Variants in CSN3 observed in about 807,000 individuals in gnomAD.
The protein encoded by CSN3 is kappa-casein.
CSN3 carries 7 observed loss-of-function variants against 9.9 expected under a neutral mutation model. That is an observed-to-expected ratio of 0.71 (90% CI 0.40 to 1.33). The LOEUF (loss-of-function observed/expected upper bound fraction) is 1.33. Ranked by LOEUF, CSN3 falls within the 40% of genes most tolerant of loss-of-function variation. The pLI is 0.01. For missense variants in CSN3, 253 were observed against 227.9 expected, an observed-to-expected ratio of 1.11 and a Z score of -0.71; for synonymous variants, 88 against 82.3, an observed-to-expected ratio of 1.07 and a Z score of -0.37.
At chr4:70,245,016 T>A (rs985082449) in intron 2 of CSN3, 143 bp downstream of exon 2, 1 of 390,032 alleles carries the variant, frequency 2.6e-6, no homozygotes, top group African/African-American at 2.1e-5. Flanking sequence ...GTTAATTTTT[T>A]TAATATTTAT....
At chr4:70,250,469 G>C (rs1489223989) in intron 4 of CSN3, among the ~76,000 whole-genome samples, 1 of 151,934 alleles carries the variant, frequency 6.6e-6, no homozygotes, top group Admixed American at 6.6e-5. Context: ...TCATAATTCT[G>C]GTTGCTATAA....
At chr4:70,247,078 C>T (rs1730392902) in intron 2 of CSN3, among the ~76,000 whole-genome samples, 1 of 152,134 alleles carries the variant, frequency 6.6e-6, no homozygotes, top group African/African-American at 2.4e-5. Flanking sequence ...TTCTGATTTT[C>T]TATACTCACA....
chr4:70,240,590 A>C (rs1331747093), upstream of CSN3, among the ~76,000 whole-genome samples: 1 of 152,004 alleles, frequency 6.6e-6, no homozygotes, highest in African/African-American at 2.4e-5. Context: ...TCGAAAACGC[A>C]AGAGCATTGC....
At chr4:70,243,681 T>C (rs1013263193) in intron 1 of CSN3, among the ~76,000 whole-genome samples, 2 of 152,112 alleles carry the variant, frequency 1.3e-5, no homozygotes, top group Admixed American at 6.6e-5. Context: ...AATTACTTCC[T>C]AAACATAATA....
exon 4 of CSN3, chr4:70,249,089 C>A (rs761442017): frequency 2.6e-5 from 42 of 1,613,718 alleles, no homozygotes; most frequent in Non-Finnish European, 3.4e-5. Flanking sequence ...TATTATGGAA[C>A]CAATTTGTAC....
chr4:70,250,808 T>G (rs1352978323), intron 4 of CSN3, among the ~76,000 whole-genome samples: 1 of 152,214 alleles, frequency 6.6e-6, no homozygotes, highest in African/African-American at 2.4e-5. Flanking sequence ...TTATATGGGC[T>G]GTCTAACTTG....
intron 3 of CSN3, among the ~76,000 whole-genome samples, chr4:70,248,246 C>T (rs1340234645): frequency 2.0e-5 from 3 of 152,046 alleles, no homozygotes; most frequent in Non-Finnish European, 4.4e-5. Context: ...ATTTACTTCC[C>T]CTTTCGTTTC....
At chr4:70,240,956 G>C (rs1730260497), upstream of CSN3, among the ~76,000 whole-genome samples, 1 of 151,810 alleles carries the variant, frequency 6.6e-6, no homozygotes. Context: ...ATCTTGGTGG[G>C]AGAAAAGATT....
At chr4:70,242,375 TATGTATACATGTGCC>T (rs1260248908), upstream of CSN3, among the ~76,000 whole-genome samples, 2 of 124,514 alleles carry the variant, frequency 1.6e-5, no homozygotes, top group Non-Finnish European at 3.8e-5. Context: ...GTTAGTTACA[TATGTATACATGTGCC>T]ATGCTGGTGC....
upstream of CSN3, among the ~76,000 whole-genome samples, chr4:70,238,553 C>A (rs1254260680): frequency 6.6e-6 from 1 of 151,832 alleles, no homozygotes; most frequent in Non-Finnish European, 1.5e-5. Flanking sequence ...AGAATTTAAT[C>A]AGAAGAATAA....
chr4:70,242,978 C>G (rs778147865), intron 1 of CSN3, among the ~76,000 whole-genome samples: 5 of 152,100 alleles, frequency 3.3e-5, no homozygotes, highest in African/African-American at 7.2e-5. Flanking sequence ...GTTAACTCCA[C>G]AGGAAGTTGG....
chr4:70,247,889 T>G, intron 3 of CSN3, 39 bp downstream of exon 3: 1 of 1,517,586 alleles, frequency 6.6e-7, no homozygotes. Context: ...AGGCATGAAC[T>G]ACAAAATATA....
intron 3 of CSN3, among the ~76,000 whole-genome samples, chr4:70,248,595 C>T (rs1006768469): frequency 2.6e-5 from 4 of 152,052 alleles, no homozygotes; most frequent in East Asian, 1.9e-4. Context: ...CGTGTGTGTG[C>T]GCCATTCTGT....
At chr4:70,246,820 C>T (rs930570274) in intron 2 of CSN3, among the ~76,000 whole-genome samples, 4 of 151,520 alleles carry the variant, frequency 2.6e-5, no homozygotes, top group Non-Finnish European at 5.9e-5. Flanking sequence ...TACAAGTGCC[C>T]GCCACCATGC....
At chr4:70,246,671 CTTT>C (rs11293109) in intron 2 of CSN3, among the ~76,000 whole-genome samples, 43 of 125,432 alleles carry the variant, frequency 3.4e-4, no homozygotes, top group African/African-American at 6.0e-4. Flanking sequence ...CATATTACTT[CTTT>C]TTTTTTTTTT....
chr4:70,248,519 C>A (rs1730422402), intron 3 of CSN3, among the ~76,000 whole-genome samples: 1 of 152,056 alleles, frequency 6.6e-6, no homozygotes, highest in South Asian at 2.1e-4. Context: ...AATAAATGTG[C>A]TCTTGGGCTA....
chr4:70,249,006 GA>G lies in CSN3; in HGVS notation c.98del (p.Asn33MetfsTer37). 1.9e-6 allele frequency: 3 copies of G among 1,583,212 alleles called. No homozygotes were observed. The highest frequency in any genetic ancestry group is 2.3e-5 in the South Asian group (2 of 88,222). On this transcript the variant is annotated frameshift_variant, in exon 4 of 5. Coordinates refer to ENST00000304954, the Ensembl canonical transcript of CSN3. LOFTEE classifies it high-confidence loss of function. ...ATTTATTTTTTTTGCAGTGCCATGA[GA>G]ATGATGAAAGACCATTCTATCAGAA... is the stretch of plus-strand genomic sequence containing the variant.
chr4:70,249,460 A>C (rs1342797351), exon 4 of CSN3: 2 of 1,607,166 alleles, frequency 1.2e-6, no homozygotes, highest in Non-Finnish European at 1.7e-6. Context: ...TACGGCATAA[A>C]AACACCAAGG....
chr4:70,246,545 T>C (rs1345636039), intron 2 of CSN3, among the ~76,000 whole-genome samples: 2 of 151,920 alleles, frequency 1.3e-5, no homozygotes, highest in African/African-American at 4.8e-5. Context: ...ACATTTCCTA[T>C]AAAAATGCAG....
Sources: allele counts gnomAD v4.1 joint callset (sites outside exome capture counted in the v4.1 genomes callset), GRCh38; gene constraint gnomAD v4.1.1; transcripts MANE v1.5; gene names NCBI Gene and HGNC (gene_info 2026-07-23, HGNC 2026-07-21).